The following RTN4IP1 variants were observed in gnomAD, a reference collection of about 807,000 sequenced individuals.
RTN4IP1 encodes the protein reticulon 4 interacting protein 1.
Under a neutral mutation model 46.6 loss-of-function variants are expected in RTN4IP1, and 32 were observed. The observed-to-expected ratio is 0.69, with a 90% CI of 0.52 to 0.92. The LOEUF (loss-of-function observed/expected upper bound fraction) is 0.92. Among genes scored for constraint, RTN4IP1 ranks in the 40% least tolerant of loss-of-function variants. The pLI, the probability that RTN4IP1 is intolerant of heterozygous loss-of-function variation, is 0.00. For missense variants in RTN4IP1, 424 were observed against 485.8 expected (o/e 0.87, Z 1.20); for synonymous variants, 167 against 161.8 (o/e 1.03, Z -0.24).
intron 7 of RTN4IP1, among the ~76,000 whole-genome samples, chr6:106,585,665 A>G (rs1183222115): frequency 1.3e-5 from 2 of 152,216 alleles, no homozygotes; most frequent in African/African-American, 4.8e-5. Context: ...AGTAAACCAA[A>G]GCAGGTAGGA....
intron 6 of RTN4IP1, among the ~76,000 whole-genome samples, chr6:106,591,573 T>G (rs1039883510): frequency 2.0e-5 from 3 of 152,280 alleles, no homozygotes; most frequent in South Asian, 2.1e-4. Context: ...GCTCTCAGCT[T>G]CAGCTTGGTC....
chr6:106,630,068 G>T (rs1181087743), upstream of RTN4IP1, among the ~76,000 whole-genome samples: 1 of 152,118 alleles, frequency 6.6e-6, no homozygotes. Context: ...TGCAGTTGTC[G>T]CTAAGAAGCC....
chr6:106,589,975 C>T (rs538246049), intron 6 of RTN4IP1, among the ~76,000 whole-genome samples: 5 of 152,140 alleles, frequency 3.3e-5, no homozygotes, highest in South Asian at 2.1e-4. Flanking sequence ...TCTAGCCTTC[C>T]GTCTGTCAAG....
intron 6 of RTN4IP1, among the ~76,000 whole-genome samples, chr6:106,590,906 C>T (rs1289724630): frequency 2.0e-5 from 3 of 152,078 alleles, no homozygotes; most frequent in Non-Finnish European, 4.4e-5. Context: ...CAGGCATGTT[C>T]CGGACATGGG....
intron 5 of RTN4IP1, among the ~76,000 whole-genome samples, chr6:106,600,360 A>G (rs970243490): frequency 6.6e-6 from 1 of 152,124 alleles, no homozygotes; most frequent in African/African-American, 2.4e-5. Context: ...ACTGGGCCCC[A>G]TCATGTTTCT....
intron 1 of RTN4IP1, among the ~76,000 whole-genome samples, chr6:106,627,932 G>A (rs563421839): frequency 6.8e-6 from 1 of 146,510 alleles, no homozygotes; most frequent in Admixed American, 6.9e-5. Flanking sequence ...GCTGGGTGTG[G>A]CGGCGCATGT....
rs1201404325 is a variant in RTN4IP1 at position 106,587,747 on chromosome 6, T to C, written c.922A>G (p.Met308Val). The change falls in exon 7 of 9, where the codon ATG becomes GTG. Residue 308 changes from methionine (M) to valine (V), a missense_variant. Transcript: ENST00000369063. The stretch of plus-strand genomic sequence containing the variant: ...CCATCTGCTATGCCCAATCGGTCCA[T>C]GTTCAGGAGGAAAGGAGTCACCAAA... ...VTLVTPFLLN[M>V]DRLGIADGML... 1.2e-6 allele frequency: 2 copies of C among 1,613,996 alleles called. No homozygotes were observed. The highest frequency in any genetic ancestry group is 4.5e-5 in the East Asian group (2 of 44,882).
At chr6:106,609,919 C>T (rs78717601) in intron 4 of RTN4IP1, among the ~76,000 whole-genome samples, 181 of 152,336 alleles carry the variant, frequency 1.2e-3, no homozygotes, top group African/African-American at 4.3e-3. Context: ...GCAAAAGCAG[C>T]AAGGAGCAGG....
chr6:106,601,006 G>C (rs1775933738), intron 5 of RTN4IP1, among the ~76,000 whole-genome samples: 1 of 152,138 alleles, frequency 6.6e-6, no homozygotes, highest in Admixed American at 6.5e-5. Flanking sequence ...GAGGACCCAA[G>C]AAACTCTCCC....
chr6:106,618,880 T>TAA (rs567869424), intron 4 of RTN4IP1, among the ~76,000 whole-genome samples: 2 of 151,940 alleles, frequency 1.3e-5, no homozygotes, highest in African/African-American at 4.8e-5. Context: ...GGAATTTCAT[T>TAA]AAAAAAAAGA....
At chr6:106,624,120 A>T (rs1776568998) in intron 1 of RTN4IP1, among the ~76,000 whole-genome samples, 1 of 152,066 alleles carries the variant, frequency 6.6e-6, no homozygotes, top group Non-Finnish European at 1.5e-5. Context: ...CAGTGGCATG[A>T]TCTTGGCTCA....
At chr6:106,580,709 ACT>A (rs569867588) in intron 8 of RTN4IP1, among the ~76,000 whole-genome samples, 2,719 of 145,920 alleles carry the variant, frequency 0.019, 70 homozygotes, top group African/African-American at 0.066. Context: ...ACAGAGCAAG[ACT>A]CTGTCTCAAA....
chr6:106,629,669 G>A (rs377764340), upstream of RTN4IP1: 8 of 1,603,982 alleles, frequency 5.0e-6, no homozygotes, highest in Non-Finnish European at 6.8e-6. Context: ...GTGGCAGGCT[G>A]GGCACGAGGA....
At chr6:106,625,813 G>A (rs537703853) in intron 1 of RTN4IP1, among the ~76,000 whole-genome samples, 43 of 151,752 alleles carry the variant, frequency 2.8e-4, no homozygotes, top group Admixed American at 2.0e-3. Flanking sequence ...ACAGGCATGC[G>A]CCACCACGCC....
chr6:106,617,405 A>T (rs184991335), intron 4 of RTN4IP1, among the ~76,000 whole-genome samples: 27 of 152,314 alleles, frequency 1.8e-4, no homozygotes, highest in Admixed American at 1.8e-3. Flanking sequence ...AACTCAATAC[A>T]AGATATCATC....
intron 1 of RTN4IP1, among the ~76,000 whole-genome samples, chr6:106,624,181 G>A (rs536794467): frequency 2.6e-5 from 4 of 151,820 alleles, no homozygotes; most frequent in Non-Finnish European, 5.9e-5. Context: ...TCAGCCTCCC[G>A]AGTAGCTGGG....
At chr6:106,576,334 T>C (rs747533270) in intron 8 of RTN4IP1, among the ~76,000 whole-genome samples, 1 of 152,084 alleles carries the variant, frequency 6.6e-6, no homozygotes. Context: ...TAGGTACCCC[T>C]AAAAAATGCA....
In RTN4IP1 at chr6:106,576,490, A is replaced by G. The variant is rs372063565; in HGVS notation, c.1084-4387T>C. ...ACATCAGGCAAGGCAGCCCTCTTCC[A>G]GTGGTCCTAGGGATTCAGTCCCTAA... On this transcript the variant is annotated intron_variant, in intron 8 of 8. Transcript: ENST00000369063. Among the ~76,000 whole-genome samples the G allele has an allele frequency of 5.4e-4, 83 of 152,344 alleles. 1 individual carries two copies. Among genetic ancestry groups the G allele is most frequent in the African/African-American group, 1.9e-3 (77 of 41,584 alleles).
At chr6:106,609,270 C>A (rs929185366) in intron 4 of RTN4IP1, among the ~76,000 whole-genome samples, 3 of 152,238 alleles carry the variant, frequency 2.0e-5, no homozygotes, top group African/African-American at 7.2e-5. Context: ...TCAAAATCAT[C>A]CATGGCCAGA....
Sources: allele counts gnomAD v4.1 joint callset (sites outside exome capture counted in the v4.1 genomes callset), GRCh38; gene constraint gnomAD v4.1.1; transcripts MANE v1.5; gene names NCBI Gene and HGNC (gene_info 2026-07-23, HGNC 2026-07-21).